The following AHDC1 variants were observed in gnomAD, a reference collection of about 807,000 sequenced individuals.
AHDC1 encodes AT-hook DNA binding motif containing 1.
A neutral mutation model predicts 87.9 loss-of-function variants in AHDC1; 7 were observed. The ratio of observed to expected loss-of-function variants is 0.08; its 90% CI spans 0.05 to 0.15. The LOEUF (loss-of-function observed/expected upper bound fraction) is 0.15, where lower values mean the gene tolerates loss of function less well. AHDC1 is among the 10% of genes least tolerant of loss of function. AHDC1 has a pLI of 1.00. For synonymous variants in AHDC1, 1,051 were observed against 1,006.8 expected, an observed-to-expected ratio of 1.04 and a Z score of -0.83; for missense variants, 1,841 against 2,253.2, an observed-to-expected ratio of 0.82 and a Z score of 3.70.
intron 3 of AHDC1, among the ~76,000 whole-genome samples, chr1:27,559,881 A>G (rs575150299): frequency 6.6e-6 from 1 of 152,208 alleles, no homozygotes; most frequent in East Asian, 1.9e-4. Flanking sequence ...GTTGCCTGGG[A>G]GTTTGTATGC....
At chr1:27,589,016 G>T (rs2089148351) in intron 3 of AHDC1, among the ~76,000 whole-genome samples, 1 of 152,086 alleles carries the variant, frequency 6.6e-6, no homozygotes, top group Non-Finnish European at 1.5e-5. Context: ...CCCTGTGAGT[G>T]TGACCAGTGG....
chr1:27,544,182 G>C (rs2019064239), intron 8 of AHDC1, among the ~76,000 whole-genome samples: 1 of 152,106 alleles, frequency 6.6e-6, no homozygotes, highest in Admixed American at 6.5e-5. Flanking sequence ...AGGGGGTTGT[G>C]GTGGGGAGAC....
At chr1:27,557,035 C>T (rs2019850309) in intron 5 of AHDC1, among the ~76,000 whole-genome samples, 1 of 150,458 alleles carries the variant, frequency 6.6e-6, no homozygotes, top group Non-Finnish European at 1.5e-5. Context: ...ACCCTACCCC[C>T]AGCCACACAG....
chr1:27,591,455 C>G (rs1011272051), intron 3 of AHDC1, among the ~76,000 whole-genome samples: 2 of 152,210 alleles, frequency 1.3e-5, no homozygotes, highest in Non-Finnish European at 2.9e-5. Context: ...GCTCAGATAT[C>G]CCAGGTGACC....
chr1:27,550,384 TGGCCGCTGCCACAGTGGCTGCCTC>T lies in AHDC1; in HGVS notation c.1708_1731del (p.Glu570_Ala577del), dbSNP rs1490245615. The T allele has an allele frequency of 1.2e-6, 2 of 1,613,414 alleles. No individual in the cohort carries two copies. The highest frequency in any genetic ancestry group is 2.2e-5 in the South Asian group (2 of 91,078). ...TTTTTTACCTCTGGCATGGCCATGG[TGGCCGCTGCCACAGTGGCTGCCTC>T]GGCCGCCACCACAGCTGGCTCCTTG... On this transcript the variant is annotated inframe_deletion, in exon 8 of 9. Transcript: ENST00000673934.
rs1169169169 is a variant in AHDC1, at chr1:27,552,142, G to A, written c.-27C>T. 115 of 1,437,576 alleles carry A rather than the reference G, an allele frequency of 8.0e-5. No individual in the cohort carries two copies. The highest frequency in any genetic ancestry group is 2.4e-4 in the South Asian group (16 of 67,032). The allele number at this position is 1,437,576 out of a possible 1,614,324, so 89.1% of individuals were successfully genotyped here. A position where few individuals can be genotyped will look rare whatever the true frequency, so the allele number is the denominator to read the frequency against. On this transcript the variant is annotated 5_prime_UTR_variant, in exon 8 of 9. Coordinates refer to ENST00000673934, the MANE Select transcript of AHDC1 (RefSeq NM_001371928.1). ...CTGACCTTGTCCTCCGCAGGCCGCC[G>A]GGCGGGGCCGGGGCTGACATGAGGG...
intron 3 of AHDC1, among the ~76,000 whole-genome samples, chr1:27,599,371 CCT>C (rs1322120394): frequency 2.0e-5 from 3 of 152,128 alleles, no homozygotes; most frequent in African/African-American, 7.2e-5. Flanking sequence ...CGCCTCCCTC[CCT>C]CTCTCTCCCG....
chr1:27,552,307 T>G, intron 7 of AHDC1, 118 bp from the exon 8 acceptor site: 2 of 975,926 alleles, frequency 2.0e-6, no homozygotes, highest in Non-Finnish European at 2.7e-6. Flanking sequence ...CTTACCAAGC[T>G]CCCCTCCCCA....
At chr1:27,585,382 T>C (rs2089024928) in intron 3 of AHDC1, among the ~76,000 whole-genome samples, 1 of 152,168 alleles carries the variant, frequency 6.6e-6, no homozygotes, top group African/African-American at 2.4e-5. Flanking sequence ...ACTTTACCTT[T>C]TTATGCCTCA....
intron 3 of AHDC1, among the ~76,000 whole-genome samples, chr1:27,575,151 G>A (rs1024915666): frequency 6.6e-6 from 1 of 152,170 alleles, no homozygotes; most frequent in Non-Finnish European, 1.5e-5. Context: ...CTCAGGGCCC[G>A]AAGAGCCCGC....
At chr1:27,576,350 C>T (rs1254249975) in intron 3 of AHDC1, among the ~76,000 whole-genome samples, 2 of 152,192 alleles carry the variant, frequency 1.3e-5, no homozygotes, top group East Asian at 1.9e-4. Context: ...TGAAAAGGCC[C>T]TCTGCAGGGA....
Position 27,556,490 on chromosome 1 carries a change from A to G in AHDC1, c.-225+1815T>C, listed in dbSNP as rs528905708. ...AGGATCTGTCCCTCAGGGACTAGTC[A>G]TCACCTCTGTCCACCTCCTTCCCTT... On this transcript the variant is annotated intron_variant, in intron 5 of 8. Coordinates refer to ENST00000673934, the MANE Select transcript of AHDC1 (RefSeq NM_001371928.1). Among the ~76,000 whole-genome samples the G allele has an allele frequency of 2.6e-5, 4 of 152,102 alleles. No homozygotes were observed. The East Asian group carries it at 7.7e-4, about 29-fold the overall frequency.
chr1:27,545,530 G>A (rs2019123934), intron 8 of AHDC1, among the ~76,000 whole-genome samples: 1 of 151,644 alleles, frequency 6.6e-6, no homozygotes, highest in Non-Finnish European at 1.5e-5. Context: ...CAGAGCCTGG[G>A]AGGAACGGTT....
Position 27,558,907 on chromosome 1 carries a change from C to G in AHDC1, c.-628-24G>C. 3 of 398,740 alleles carry G rather than the reference C, an allele frequency of 7.5e-6. No individual in the cohort carries two copies. The allele number at this position is 398,740 out of a possible 1,614,324, so 24.7% of individuals were successfully genotyped here. A position where few individuals can be genotyped will look rare whatever the true frequency, so the allele number is the denominator to read the frequency against. Reference sequence around the variant, plus strand: ...ATCTGTGGAAGCAAACACAGCACCACAGAGATAAGCATGGACACAGGGTAA... The same window carrying G: ...ATCTGTGGAAGCAAACACAGCACCAGAGAGATAAGCATGGACACAGGGTAA... On this transcript the variant is annotated intron_variant, in intron 3 of 8. Coordinates refer to ENST00000673934, the MANE Select transcript of AHDC1 (RefSeq NM_001371928.1). The surrounding 1 kb of genome is among the most constrained non-coding windows in gnomAD (Gnocchi z 5.6).
intron 3 of AHDC1, among the ~76,000 whole-genome samples, chr1:27,592,796 G>A (rs866114434): frequency 1.3e-5 from 2 of 152,156 alleles, no homozygotes; most frequent in Non-Finnish European, 2.9e-5. Context: ...GCCGGCTGCC[G>A]GTTAACCTGT....
At chr1:27,545,262 T>TGTGG (rs1284922952) in intron 8 of AHDC1, among the ~76,000 whole-genome samples, 1 of 152,164 alleles carries the variant, frequency 6.6e-6, no homozygotes, top group African/African-American at 2.4e-5. Flanking sequence ...GTACCTCATT[T>TGTGG]GTGGTGTTCA....
At chr1:27,552,320 C>A (rs2019615214) in intron 7 of AHDC1, 131 bp from the exon 8 acceptor site, 3 of 859,916 alleles carry the variant, frequency 3.5e-6, no homozygotes, top group Non-Finnish European at 4.7e-6. Flanking sequence ...CCTCCCCACC[C>A]CAAGCCCCAT....
At chr1:27,589,073 C>T (rs1423813411) in intron 3 of AHDC1, among the ~76,000 whole-genome samples, 1 of 151,820 alleles carries the variant, frequency 6.6e-6, no homozygotes, top group Non-Finnish European at 1.5e-5. Context: ...GTGCAGCTGC[C>T]ATGGCCTCGA....
chr1:27,575,970 C>G (rs1458819142), intron 3 of AHDC1, among the ~76,000 whole-genome samples: 1 of 152,016 alleles, frequency 6.6e-6, no homozygotes, highest in Non-Finnish European at 1.5e-5. Context: ...TGCCCCGGCC[C>G]GGGGACTGGA....
Sources: allele counts gnomAD v4.1 joint callset (sites outside exome capture counted in the v4.1 genomes callset), GRCh38; gene constraint gnomAD v4.1.1; non-coding constraint Gnocchi (gnomAD v3.1); transcripts MANE v1.5; gene names NCBI Gene and HGNC (gene_info 2026-07-23, HGNC 2026-07-21).